PHYKPL: variants seen among roughly 807,000 people sequenced by gnomAD.
The protein encoded by PHYKPL is 5-phosphohydroxy-L-lysine phospho-lyase, also known as 5-phosphonooxy-L-lysine phospho-lyase.
Under a neutral mutation model 51.3 loss-of-function variants are expected in PHYKPL, and 42 were observed. The observed-to-expected ratio is 0.82, with a 90% confidence interval of 0.64 to 1.06. PHYKPL has a LOEUF of 1.06. Ranked by LOEUF, PHYKPL falls within the 50% of genes least tolerant of loss-of-function variation. The probability of loss-of-function intolerance (pLI) is 0.00; values close to 1 mark genes in which losing one functional copy is unlikely to be tolerated. For synonymous variants in PHYKPL, 264 were observed against 236.0 expected, an observed-to-expected ratio of 1.12 and a Z score of -1.09; for missense variants, 655 against 586.6, an observed-to-expected ratio of 1.12 and a Z score of -1.20.
chr5:178,212,828 C>T, intron 11 of PHYKPL, 145 bp downstream of exon 11: 1 of 1,157,498 alleles, frequency 8.6e-7, no homozygotes, highest in Non-Finnish European at 1.2e-6. Flanking sequence ...CCATGAAAGA[C>T]CCTCTCTTGC....
chr5:178,227,009 C>T (rs146886857), intron 3 of PHYKPL, among the ~76,000 whole-genome samples: 1 of 152,198 alleles, frequency 6.6e-6, no homozygotes, highest in Non-Finnish European at 1.5e-5. Flanking sequence ...CTAAGTGCTA[C>T]GATGGATGCC....
rs1340571312 is a variant in PHYKPL, at chr5:178,222,319, CCCATGTTG to C, written c.927+28_927+35del. 3.2e-6 allele frequency: 5 copies of C among 1,571,426 alleles called. No individual in the cohort carries two copies. In the African/African-American group the frequency reaches 6.7e-5, roughly 21 times the overall value. ...GCTGATCACCGGGGGCCTATCAGAA[CCCATGTTG>C]CTCCCTTGACTTAGAGCCATCACTC... On this transcript the variant is annotated intron_variant, in intron 8 of 12. Coordinates refer to ENST00000308158, the MANE Select transcript of PHYKPL (RefSeq NM_153373.4).
chr5:178,228,892 T>C (rs1011060307), intron 3 of PHYKPL, among the ~76,000 whole-genome samples: 1 of 152,100 alleles, frequency 6.6e-6, no homozygotes, highest in Non-Finnish European at 1.5e-5. Flanking sequence ...TTCCCAATGC[T>C]CTTAGGATAA....
chr5:178,212,302 G>A (rs182157713), intron 11 of PHYKPL, among the ~76,000 whole-genome samples: 7 of 152,350 alleles, frequency 4.6e-5, no homozygotes, highest in Middle Eastern at 3.4e-3. Context: ...AGAGCCCTGG[G>A]ATTAAGCATA....
chr5:178,232,238 T>C (rs1763620395), intron 1 of PHYKPL: 1 of 1,243,300 alleles, frequency 8.0e-7, no homozygotes, highest in Non-Finnish European at 1.0e-6. Flanking sequence ...CGGGGCCGTC[T>C]CCTGAACTGG....
intron 11 of PHYKPL, among the ~76,000 whole-genome samples, chr5:178,212,260 G>A (rs926389948): frequency 6.6e-6 from 1 of 152,210 alleles, no homozygotes; most frequent in Non-Finnish European, 1.5e-5. Flanking sequence ...CTTCCAATTT[G>A]TGTCTAGCAG....
intron 8 of PHYKPL, among the ~76,000 whole-genome samples, chr5:178,218,063 A>G (rs1460848547): frequency 8.6e-6 from 1 of 116,582 alleles, no homozygotes; most frequent in Non-Finnish European, 1.7e-5. Flanking sequence ...TAAAAAATAC[A>G]AAAATTAGCC....
At position 178,214,898 on chromosome 5, in the gene PHYKPL, G is replaced by A. The variant is rs1242727386; in HGVS notation, c.1083-13C>T. On this transcript the variant is annotated splice_polypyrimidine_tract_variant and intron_variant, in intron 9 of 12. Coordinates refer to ENST00000308158, the MANE Select transcript of PHYKPL (RefSeq NM_153373.4). ...GAGCCCAACACCCCTGCAAGGGAAG[G>A]TGACGACATCTCAGGAGGCCAGGCC... is the stretch of plus-strand genomic sequence containing the variant. 1 of 1,612,684 alleles carries A rather than the reference G, an allele frequency of 6.2e-7. No individual in the cohort carries two copies. The highest frequency in any genetic ancestry group is 8.5e-7 in the Non-Finnish European group (1 of 1,179,640).
chr5:178,212,949 G>A (rs1468522644), intron 11 of PHYKPL, 24 bp downstream of exon 11: 2 of 1,612,832 alleles, frequency 1.2e-6, no homozygotes, highest in Non-Finnish European at 1.7e-6. Flanking sequence ...TAGAGATATG[G>A]CCAAGCTCAG....
chr5:178,217,295 A>C (rs1005847909), intron 8 of PHYKPL, among the ~76,000 whole-genome samples: 1 of 151,564 alleles, frequency 6.6e-6, no homozygotes, highest in Admixed American at 6.6e-5. Context: ...ATCTCAGCAA[A>C]CTGCAGCTGC....
chr5:178,209,560 A>T, intron 12 of PHYKPL: 11 of 874,532 alleles, frequency 1.3e-5, no homozygotes, highest in Middle Eastern at 2.4e-4. Flanking sequence ...AGATTGTGTG[A>T]GGTTGGGGAC....
At chr5:178,210,716 T>A (rs1156498589) in intron 12 of PHYKPL, 1 of 940,778 alleles carries the variant, frequency 1.1e-6, no homozygotes, top group Admixed American at 1.8e-5. Flanking sequence ...TGGCAAACTT[T>A]CTATTGCCTG....
rs981048763 is a variant in PHYKPL, at chr5:178,232,757, T to C, written c.-207A>G. 2 of 486,056 alleles carry C rather than the reference T, an allele frequency of 4.1e-6. No individual in the cohort carries two copies. The highest frequency in any genetic ancestry group is 2.2e-5 in the African/African-American group (1 of 45,612). The allele number at this position is 486,056 out of a possible 1,614,324, so 30.1% of individuals were successfully genotyped here. On this transcript the variant is annotated 5_prime_UTR_variant, in exon 1 of 13. Coordinates refer to ENST00000308158, the MANE Select transcript of PHYKPL (RefSeq NM_153373.4). Reference sequence around the variant, plus strand: ...GGCCTGGCAGCCTTCCGGCCCGTGGTCGTGCCTTGGCAGTCCCGCGCAGGA... The same window carrying C: ...GGCCTGGCAGCCTTCCGGCCCGTGGCCGTGCCTTGGCAGTCCCGCGCAGGA...
rs559406393 is a variant in PHYKPL at position 178,225,359 on chromosome 5, C to G, written c.409G>C (p.Asp137His). ...YTGHQDVVVL[D>H]HAYHGHLSSL... ...AGGGCTGTGAGTTGCACTTACTGATCTAATACCACCACGTCCTGGTGTCCC... is the reference window on the plus strand; with the variant it reads ...AGGGCTGTGAGTTGCACTTACTGATGTAATACCACCACGTCCTGGTGTCCC... Residue 137 changes from aspartate to histidine, a missense_variant, in exon 4 of 13, where the codon GAT (aspartate) becomes CAT (histidine). Transcript: ENST00000308158. The G allele has an allele frequency of 5.1e-5, 83 of 1,614,070 alleles. No individual in the cohort carries two copies. The highest frequency in any genetic ancestry group is 4.9e-4 in the Middle Eastern group (3 of 6,082).
chr5:178,232,078 CT>C, intron 1 of PHYKPL: 2 of 1,185,998 alleles, frequency 1.7e-6, no homozygotes, highest in Non-Finnish European at 1.1e-6. Flanking sequence ...CTTGTCTGCC[CT>C]TTCAGCCCCC....
In PHYKPL at chr5:178,215,031, T is replaced by A. The variant is rs117194904; in HGVS notation, c.1083-146A>T. ...AGGTGGTGAGAATAGTTTCAGGGAA[T>A]AACTGGGCTGGGAGAGATCTTTGGT... On this transcript the variant is annotated intron_variant, in intron 9 of 12. Coordinates refer to ENST00000308158, the MANE Select transcript of PHYKPL (RefSeq NM_153373.4). 11 of 844,864 alleles carry A rather than the reference T, an allele frequency of 1.3e-5. No individual in the cohort carries two copies. In the East Asian group the frequency reaches 2.9e-4, roughly 22 times the overall value. The allele number at this position is 844,864 out of a possible 1,614,324, so 52.3% of individuals were successfully genotyped here. A position where few individuals can be genotyped will look rare whatever the true frequency, so the allele number is the denominator to read the frequency against.
rs1757274807 is a variant in PHYKPL, at chr5:178,208,798, A to T, written c.*149T>A. The T allele has an allele frequency of 6.5e-6, 1 of 153,192 alleles. No homozygotes were observed. 9.5% of individuals were successfully genotyped at this position (153,192 alleles called of 1,614,324 possible). ...CAGTGGTTAGGAGGAGGGGGTGGGT[A>T]GCATTATGGCCTCGGGCAGGCCCCC... On this transcript the variant is annotated 3_prime_UTR_variant, in exon 13 of 13. Transcript: ENST00000308158.
Position 178,222,572 on chromosome 5 carries a change from C to G in PHYKPL, c.710G>C (p.Arg237Pro), listed in dbSNP as rs765616846. The G allele has an allele frequency of 1.9e-6, 3 of 1,613,928 alleles. No homozygotes were observed. The highest frequency in any genetic ancestry group is 2.7e-5 in the African/African-American group (2 of 74,924). ...GYFSQVAEHI[R>P]KAGGVFVADE... ...TGCAACAAAGACCCCTCCGGCCTTG[C>G]GGATGTGCCTGTGGCAGAGGAGATG... is the stretch of plus-strand genomic sequence containing the variant. Residue 237 changes from arginine (R) to proline (P), a missense_variant, in exon 8 of 13, where the codon CGC (arginine) becomes CCC (proline). Coordinates refer to ENST00000308158, the MANE Select transcript of PHYKPL (RefSeq NM_153373.4).
rs901557775 is a variant in PHYKPL at position 178,232,775 on chromosome 5, G to C, written c.-225C>G. Reference sequence around the variant, plus strand: ...CCCGTGGTCGTGCCTTGGCAGTCCCGCGCAGGAACTCGAGCGCTGCCCCGT... The same window carrying C: ...CCCGTGGTCGTGCCTTGGCAGTCCCCCGCAGGAACTCGAGCGCTGCCCCGT... On this transcript the variant is annotated 5_prime_UTR_variant, in exon 1 of 13. Transcript: ENST00000308158. The C allele has an allele frequency of 4.2e-5, 17 of 406,944 alleles. No individual in the cohort carries two copies. Among genetic ancestry groups the C allele is most frequent in the Non-Finnish European group, 6.3e-5 (16 of 255,354 alleles). The allele number at this position is 406,944 out of a possible 1,614,324, so 25.2% of individuals were successfully genotyped here. A position where few individuals can be genotyped will look rare whatever the true frequency, so the allele number is the denominator to read the frequency against.
Sources: allele counts gnomAD v4.1 joint callset (sites outside exome capture counted in the v4.1 genomes callset), GRCh38; gene constraint gnomAD v4.1.1; transcripts MANE v1.5; gene names NCBI Gene and HGNC (gene_info 2026-07-23, HGNC 2026-07-21).